The following SMYD3 variants were observed in gnomAD, a reference collection of about 807,000 sequenced individuals.
SMYD3 encodes the protein histone-lysine N-methyltransferase SMYD3.
In SMYD3, 36 loss-of-function variants were observed where a neutral mutation model predicts 57.7. The observed-to-expected ratio is 0.62, with a 90% CI of 0.48 to 0.82. The LOEUF (loss-of-function observed/expected upper bound fraction) is 0.82, where lower values mean the gene tolerates loss of function less well. SMYD3 is among the 40% of genes least tolerant of loss of function. The probability of loss-of-function intolerance (pLI) is 0.00; values close to 1 mark genes in which losing one functional copy is unlikely to be tolerated. For missense variants in SMYD3, 515 were observed against 538.8 expected (o/e 0.96, Z 0.44); for synonymous variants, 211 against 195.0 (o/e 1.08, Z -0.68).
At chr1:246,372,355 C>T (rs2066207000) in intron 1 of SMYD3, among the ~76,000 whole-genome samples, 1 of 152,120 alleles carries the variant, frequency 6.6e-6, no homozygotes, top group African/African-American at 2.4e-5. Flanking sequence ...TGAGTTTGAG[C>T]ATATCTTTTT....
At chr1:245,978,019 C>T (rs544641401) in intron 5 of SMYD3, among the ~76,000 whole-genome samples, 1 of 152,330 alleles carries the variant, frequency 6.6e-6, no homozygotes, top group South Asian at 2.1e-4. Flanking sequence ...CAGGTGCAAG[C>T]CCAGTCTCAC....
intron 7 of SMYD3, among the ~76,000 whole-genome samples, chr1:245,921,709 C>T (rs1303899137): frequency 2.6e-5 from 4 of 152,100 alleles, no homozygotes; most frequent in African/African-American, 9.7e-5. Flanking sequence ...TTACAGATTT[C>T]TCATAAATTG....
chr1:246,175,090 G>A lies in SMYD3; in HGVS notation c.531+152111C>T, dbSNP rs572780290. ...ACACCTCAAAGTTCAGAAATTATTG[G>A]GGGAAAAACTAAGTATAGCTCAAGG... On this transcript the variant is annotated intron_variant, in intron 5 of 11. Transcript: ENST00000490107. Among the ~76,000 whole-genome samples, 102 of 152,118 alleles carry A rather than the reference G, an allele frequency of 6.7e-4. 1 individual carries two copies. Among genetic ancestry groups the A allele is most frequent in the African/African-American group, 2.2e-3 (92 of 41,484 alleles).
intron 5 of SMYD3, among the ~76,000 whole-genome samples, chr1:246,049,282 T>C (rs1189904382): frequency 6.6e-6 from 1 of 152,068 alleles, no homozygotes; most frequent in South Asian, 2.1e-4. Context: ...ATATATACTA[T>C]GTGTTTTTTT....
At chr1:245,870,603 T>TA (rs1441909718) in intron 8 of SMYD3, among the ~76,000 whole-genome samples, 1 of 152,080 alleles carries the variant, frequency 6.6e-6, no homozygotes, top group Non-Finnish European at 1.5e-5. Context: ...TAAAAATAGG[T>TA]ACCAGATGAT....
At chr1:245,810,002 T>C (rs2048371106) in intron 10 of SMYD3, among the ~76,000 whole-genome samples, 1 of 152,104 alleles carries the variant, frequency 6.6e-6, no homozygotes, top group Admixed American at 6.5e-5. Context: ...AAGATTTTGG[T>C]TTCAGAGGGG....
At chr1:245,828,107 C>A (rs967846181) in intron 10 of SMYD3, among the ~76,000 whole-genome samples, 2 of 152,122 alleles carry the variant, frequency 1.3e-5, no homozygotes, top group African/African-American at 4.8e-5. Context: ...AAAAGCAATG[C>A]AAATTCCTAG....
At chr1:246,197,646 C>A (rs867442003) in intron 5 of SMYD3, among the ~76,000 whole-genome samples, 4 of 152,144 alleles carry the variant, frequency 2.6e-5, no homozygotes, top group Admixed American at 2.6e-4. Context: ...CCAAAAATAA[C>A]GTGGTATCCT....
intron 5 of SMYD3, among the ~76,000 whole-genome samples, chr1:246,258,875 T>C (rs1188051773): frequency 1.3e-5 from 2 of 152,228 alleles, no homozygotes; most frequent in Non-Finnish European, 2.9e-5. Context: ...TTGGTCACTT[T>C]ACATAATCCC....
chr1:246,236,079 G>C (rs570064025), intron 5 of SMYD3, among the ~76,000 whole-genome samples: 5 of 152,036 alleles, frequency 3.3e-5, no homozygotes, highest in Non-Finnish European at 5.9e-5. Flanking sequence ...TCATAAGGCA[G>C]AACACTCAAA....
intron 1 of SMYD3, among the ~76,000 whole-genome samples, chr1:246,398,862 CA>C (rs1195272677): frequency 2.0e-5 from 3 of 152,160 alleles, no homozygotes; most frequent in Non-Finnish European, 4.4e-5. Context: ...ATAAAATAGA[CA>C]GTATCAAACA....
At chr1:246,211,822 T>C (rs1312915784) in intron 5 of SMYD3, among the ~76,000 whole-genome samples, 2 of 152,094 alleles carry the variant, frequency 1.3e-5, no homozygotes, top group African/African-American at 4.8e-5. Context: ...TGTGTGATAT[T>C]TATTTTTCAT....
chr1:246,268,127 C>T (rs1402292718), intron 5 of SMYD3, among the ~76,000 whole-genome samples: 8 of 152,198 alleles, frequency 5.3e-5, no homozygotes, highest in African/African-American at 1.4e-4. Flanking sequence ...TACTGGGCTG[C>T]ATTCCCAGAC....
At chr1:245,858,176 C>G (rs2051348841) in intron 10 of SMYD3, among the ~76,000 whole-genome samples, 1 of 152,182 alleles carries the variant, frequency 6.6e-6, no homozygotes, top group Non-Finnish European at 1.5e-5. Context: ...CTACAGCTCC[C>G]CCACCACCCT....
rs540285448 is a variant in SMYD3 at position 246,417,835 on chromosome 1, C to T, written c.165-62741G>A. Among the ~76,000 whole-genome samples, 55 of 152,210 alleles carry T rather than the reference C, an allele frequency of 3.6e-4. 1 individual carries two copies. Among genetic ancestry groups the T allele is most frequent in the African/African-American group, 1.3e-3 (52 of 41,540 alleles). ...AGTTTTACAAATGCAGTTTCAGTTCCCAAGCAAGAAGGGGACCAGTTTCAG... is the reference window on the plus strand; with the variant it reads ...AGTTTTACAAATGCAGTTTCAGTTCTCAAGCAAGAAGGGGACCAGTTTCAG... On this transcript the variant is annotated intron_variant, in intron 1 of 11. Transcript: ENST00000490107.
intron 1 of SMYD3, among the ~76,000 whole-genome samples, chr1:246,427,284 G>A (rs1331114867): frequency 6.6e-6 from 1 of 152,070 alleles, no homozygotes; most frequent in Admixed American, 6.5e-5. Context: ...ACTTTGGGAG[G>A]CCGAGGCGGG....
chr1:246,113,534 A>T (rs1047183021), intron 5 of SMYD3, among the ~76,000 whole-genome samples: 1 of 152,240 alleles, frequency 6.6e-6, no homozygotes, highest in African/African-American at 2.4e-5. Context: ...AGTAACGCAA[A>T]GTATAAAAAG....
At chr1:246,481,854 C>CA (rs1016533312) in intron 1 of SMYD3, among the ~76,000 whole-genome samples, 1 of 150,598 alleles carries the variant, frequency 6.6e-6, no homozygotes, top group Non-Finnish European at 1.5e-5. Context: ...TACAGGGGTT[C>CA]AAAAAAATTC....
chr1:246,271,772 T>C (rs1254018436), intron 5 of SMYD3, among the ~76,000 whole-genome samples: 2 of 152,230 alleles, frequency 1.3e-5, no homozygotes, highest in African/African-American at 4.8e-5. Context: ...ACTTTAGCTA[T>C]TTGGAGTCCC....
Sources: allele counts gnomAD v4.1 joint callset (sites outside exome capture counted in the v4.1 genomes callset), GRCh38; gene constraint gnomAD v4.1.1; transcripts MANE v1.5; gene names NCBI Gene and HGNC (gene_info 2026-07-23, HGNC 2026-07-21).